The following ST3GAL3 variants were observed in gnomAD, a reference collection of about 807,000 sequenced individuals.
ST3GAL3 encodes the protein ST3 beta-galactoside alpha-2,3-sialyltransferase 3.
ST3GAL3 carries 21 observed loss-of-function variants against 50.1 expected under a neutral mutation model. The observed-to-expected ratio is 0.42, with a 90% CI of 0.30 to 0.60. The LOEUF is 0.60. ST3GAL3 is among the 20% of genes least tolerant of loss of function. The pLI is 0.19. For synonymous variants in ST3GAL3, 183 were observed against 190.0 expected, an observed-to-expected ratio of 0.96 and a Z score of 0.30; for missense variants, 353 against 489.4, an observed-to-expected ratio of 0.72 and a Z score of 2.63.
chr1:43,865,016 C>A (rs529452736), intron 5 of ST3GAL3, among the ~76,000 whole-genome samples: 1 of 121,968 alleles, frequency 8.2e-6, no homozygotes, highest in South Asian at 2.7e-4. Context: ...TATCTATGTA[C>A]AACATTTTTT....
chr1:43,859,717 A>G (rs2069424113), intron 5 of ST3GAL3, among the ~76,000 whole-genome samples: 1 of 152,210 alleles, frequency 6.6e-6, no homozygotes, highest in Non-Finnish European at 1.5e-5. Flanking sequence ...AGTCCTCCAA[A>G]TGGGGCAAGG....
chr1:43,804,445 A>T (rs2059652827), intron 3 of ST3GAL3, among the ~76,000 whole-genome samples: 2 of 152,182 alleles, frequency 1.3e-5, no homozygotes, highest in South Asian at 4.1e-4. Flanking sequence ...CAGTAACATG[A>T]CTATGAGGCT....
At position 43,736,277 on chromosome 1, in the gene ST3GAL3, A is replaced by G. The variant is rs773973717; in HGVS notation, c.15A>G (p.Val5=). Residue 5 remains valine (V), a synonymous_variant, in exon 2 of 12, where the codon GTA becomes GTG. Transcript: ENST00000347631. The stretch of plus-strand genomic sequence containing the variant: ...ATCATGTGAAGATGGGACTCTTGGT[A>G]TTTGTGCGCAATCTGCTGCTAGCCC... MGLL[V]FVRNLLLALC... 4 of 1,613,992 alleles carry G rather than the reference A, an allele frequency of 2.5e-6. No homozygotes were observed. The highest frequency in any genetic ancestry group is 1.1e-5 in the South Asian group (1 of 91,084).
intron 5 of ST3GAL3, among the ~76,000 whole-genome samples, chr1:43,867,222 A>G (rs1570180157): frequency 6.6e-6 from 1 of 152,278 alleles, no homozygotes; most frequent in East Asian, 1.9e-4. Context: ...ATCACCTCCC[A>G]TCAGGTTCCT....
intron 11 of ST3GAL3, 60 bp from the exon 12 acceptor site, chr1:43,930,072 T>C (rs1189099249): frequency 3.4e-6 from 5 of 1,478,654 alleles, no homozygotes; most frequent in Admixed American, 1.7e-5. Flanking sequence ...CACCGAGCCC[T>C]GGAAGGGGCA....
In ST3GAL3 at chr1:43,786,456, G is replaced by A. The variant is rs574290232; in HGVS notation, c.119-5646G>A. Reference sequence around the variant, plus strand: ...GGCTGCTGCGCTTGCTTTTCCTTCCGCCTGGAACTCTTTCTCTTGATCTTT... The same window carrying A: ...GGCTGCTGCGCTTGCTTTTCCTTCCACCTGGAACTCTTTCTCTTGATCTTT... On this transcript the variant is annotated intron_variant, in intron 2 of 11. Transcript: ENST00000347631. Among the ~76,000 whole-genome samples the A allele has an allele frequency of 2.6e-5, 4 of 152,052 alleles. No individual in the cohort carries two copies. The South Asian group carries it at 6.2e-4, about 24-fold the overall frequency.
intron 3 of ST3GAL3, among the ~76,000 whole-genome samples, chr1:43,792,438 A>G (rs2058191496): frequency 6.6e-6 from 1 of 152,160 alleles, no homozygotes; most frequent in Non-Finnish European, 1.5e-5. Flanking sequence ...TTCTGTGCAT[A>G]TATCCTGTCT....
intron 5 of ST3GAL3, among the ~76,000 whole-genome samples, chr1:43,876,496 A>T (rs1020213715): frequency 1.3e-5 from 2 of 152,210 alleles, no homozygotes; most frequent in Non-Finnish European, 2.9e-5. Context: ...GATTCAGTCC[A>T]TAGAGGCCAT....
intron 9 of ST3GAL3, among the ~76,000 whole-genome samples, chr1:43,918,117 C>CTTT (rs1557544940): frequency 6.5e-5 from 2 of 30,668 alleles, no homozygotes; most frequent in Non-Finnish European, 2.7e-4. Context: ...TTTTTTCTTT[C>CTTT]TCTTTTTTTT....
intron 2 of ST3GAL3, among the ~76,000 whole-genome samples, chr1:43,790,936 G>A (rs2058001687): frequency 6.6e-6 from 1 of 151,926 alleles, no homozygotes; most frequent in South Asian, 2.1e-4. Flanking sequence ...GCACCCGGCC[G>A]GCATCTCTTT....
intron 9 of ST3GAL3, among the ~76,000 whole-genome samples, chr1:43,900,056 G>A (rs901460128): frequency 6.6e-6 from 1 of 151,666 alleles, no homozygotes; most frequent in Non-Finnish European, 1.5e-5. Context: ...GCCAAGGGAA[G>A]CTCTGTCTCT....
intron 2 of ST3GAL3, among the ~76,000 whole-genome samples, chr1:43,775,233 ATTT>A (rs60327798): frequency 7.0e-6 from 1 of 142,270 alleles, no homozygotes; most frequent in Admixed American, 7.1e-5. Flanking sequence ...GGAAATCTGA[ATTT>A]TTTTTTTTTT....
chr1:43,850,704 G>A (rs2067125071), intron 5 of ST3GAL3: 26 of 734,640 alleles, frequency 3.5e-5, no homozygotes, highest in South Asian at 3.4e-4. Flanking sequence ...ACCTGTGACT[G>A]TTTGGTAGCC....
At chr1:43,830,761 C>T (rs1484375608) in intron 4 of ST3GAL3, among the ~76,000 whole-genome samples, 2 of 152,186 alleles carry the variant, frequency 1.3e-5, no homozygotes, top group East Asian at 1.9e-4. Flanking sequence ...GTTTTAGTGG[C>T]CCTCCCTTTC....
intron 5 of ST3GAL3, among the ~76,000 whole-genome samples, chr1:43,883,050 C>T (rs1195955719): frequency 6.6e-6 from 1 of 151,982 alleles, no homozygotes; most frequent in Middle Eastern, 3.2e-3. Context: ...CAGCCTCGAC[C>T]CTTCCAGGCT....
chr1:43,846,609 C>T (rs2066295254), intron 5 of ST3GAL3, among the ~76,000 whole-genome samples: 1 of 152,112 alleles, frequency 6.6e-6, no homozygotes, highest in South Asian at 2.1e-4. Flanking sequence ...GGCAGTCCTC[C>T]CACCTCAGCC....
intron 5 of ST3GAL3, among the ~76,000 whole-genome samples, chr1:43,856,254 A>C (rs1250072406): frequency 6.6e-6 from 1 of 152,264 alleles, no homozygotes; most frequent in African/African-American, 2.4e-5. Flanking sequence ...ATACACACAC[A>C]ATCGTTACAC....
At chr1:43,774,276 T>G (rs1696363943) in intron 2 of ST3GAL3, among the ~76,000 whole-genome samples, 2 of 152,368 alleles carry the variant, frequency 1.3e-5, no homozygotes, top group South Asian at 4.1e-4. Context: ...TTTTTTCTTT[T>G]GCTATTGTTA....
At chr1:43,740,745 T>A (rs1680515756) in intron 2 of ST3GAL3, among the ~76,000 whole-genome samples, 1 of 151,724 alleles carries the variant, frequency 6.6e-6, no homozygotes, top group Admixed American at 6.6e-5. Context: ...AGGCCCAGGA[T>A]TTCAAGGTTG....
Sources: gnomAD v4.1 joint callset for allele counts (sites outside exome capture counted in the v4.1 genomes callset) on GRCh38, gnomAD v4.1.1 for gene constraint, MANE v1.5 for transcripts, NCBI Gene and HGNC (gene_info 2026-07-23, HGNC 2026-07-21) for gene names.